TACR1: variants seen among roughly 807,000 people sequenced by gnomAD.
The protein encoded by TACR1 is substance-P receptor.
Under a neutral mutation model 35.8 loss-of-function variants are expected in TACR1, and 25 were observed. The ratio of observed to expected loss-of-function variants is 0.70; its 90% CI spans 0.51 to 0.98. TACR1 has a LOEUF of 0.98. Ranked by LOEUF, TACR1 falls within the 50% of genes least tolerant of loss-of-function variation. The pLI is 0.00. For missense variants in TACR1, 478 were observed against 522.9 expected (o/e 0.91, Z 0.84); for synonymous variants, 195 against 206.7 (o/e 0.94, Z 0.48).
At chr2:75,184,525 G>T (rs1388394412) in intron 1 of TACR1, among the ~76,000 whole-genome samples, 3 of 151,462 alleles carry the variant, frequency 2.0e-5, no homozygotes, top group African/African-American at 7.3e-5. Flanking sequence ...AGGAAAACCT[G>T]AGAAAAAAAA....
At chr2:75,154,846 C>T (rs1674806552) in intron 1 of TACR1, among the ~76,000 whole-genome samples, 1 of 152,140 alleles carries the variant, frequency 6.6e-6, no homozygotes, top group Non-Finnish European at 1.5e-5. Context: ...ACTCCCTTAT[C>T]CCTCCTTTCG....
chr2:75,109,260 A>C (rs1673706431), intron 2 of TACR1, among the ~76,000 whole-genome samples: 1 of 152,098 alleles, frequency 6.6e-6, no homozygotes, highest in Admixed American at 6.5e-5. Flanking sequence ...ATTTGGAGAC[A>C]TGAACCGTAA....
intron 1 of TACR1, among the ~76,000 whole-genome samples, chr2:75,179,378 G>T (rs754629984): frequency 2.0e-5 from 3 of 152,138 alleles, no homozygotes; most frequent in Non-Finnish European, 2.9e-5. Context: ...CCACAGGAGA[G>T]CTCCTAACTG....
chr2:75,171,973 T>TG, intron 1 of TACR1, among the ~76,000 whole-genome samples: 1 of 152,252 alleles, frequency 6.6e-6, no homozygotes, highest in South Asian at 2.1e-4. Flanking sequence ...AAGGCATGAT[T>TG]GGTTTGGAAA....
At chr2:75,160,334 G>A (rs564027014) in intron 1 of TACR1, among the ~76,000 whole-genome samples, 27 of 151,964 alleles carry the variant, frequency 1.8e-4, no homozygotes, top group Non-Finnish European at 3.7e-4. Context: ...GAAAAAAACA[G>A]TTTTGAAAGA....
chr2:75,081,730 A>G (rs1673090308), intron 2 of TACR1, among the ~76,000 whole-genome samples: 1 of 152,056 alleles, frequency 6.6e-6, no homozygotes, highest in African/African-American at 2.4e-5. Context: ...ACATTAATGC[A>G]TGTTTTTCAA....
intron 1 of TACR1, among the ~76,000 whole-genome samples, chr2:75,139,294 T>G (rs1007548573): frequency 6.6e-6 from 1 of 152,190 alleles, no homozygotes; most frequent in Admixed American, 6.5e-5. Flanking sequence ...AATTCAGTCA[T>G]TTGCCTCAGG....
At chr2:75,052,605 T>A (rs1311543255) in intron 3 of TACR1, among the ~76,000 whole-genome samples, 1 of 152,132 alleles carries the variant, frequency 6.6e-6, no homozygotes, top group Non-Finnish European at 1.5e-5. Context: ...TTTTCAAAAA[T>A]CTTGTCAATT....
At chr2:75,121,360 T>C (rs926220599) in intron 1 of TACR1, among the ~76,000 whole-genome samples, 1 of 152,222 alleles carries the variant, frequency 6.6e-6, no homozygotes, top group Non-Finnish European at 1.5e-5. Flanking sequence ...TGGCTAACTA[T>C]ACATACTTCG....
intron 1 of TACR1, among the ~76,000 whole-genome samples, chr2:75,125,992 CA>C (rs1217980451): frequency 6.6e-6 from 1 of 152,088 alleles, no homozygotes; most frequent in Non-Finnish European, 1.5e-5. Flanking sequence ...ACTCATGTTA[CA>C]GGGGTTTGTT....
chr2:75,111,125 G>A (rs931954343), intron 2 of TACR1, among the ~76,000 whole-genome samples: 1 of 151,912 alleles, frequency 6.6e-6, no homozygotes. Context: ...CTTTTTCTCA[G>A]TTTGTCACGT....
rs558597963 is a variant in TACR1, at chr2:75,162,460, A to C, written c.389+36086T>G. Among the ~76,000 whole-genome samples, 14 of 152,364 alleles carry C rather than the reference A, an allele frequency of 9.2e-5. No individual in the cohort carries two copies. The East Asian group carries it at 2.3e-3, about 25-fold the overall frequency. ...GGAAGAGTGCCAGTGCCTTCATATG[A>C]AAGTTTACAATATTTAGTTCTTCTA... On this transcript the variant is annotated intron_variant, in intron 1 of 4. Transcript: ENST00000305249.
chr2:75,080,275 GA>G (rs1374301181), intron 2 of TACR1, among the ~76,000 whole-genome samples: 1 of 152,054 alleles, frequency 6.6e-6, no homozygotes, highest in Non-Finnish European at 1.5e-5. Context: ...CTCCGTCCTG[GA>G]AAAAGGTTGG....
In TACR1 at chr2:75,199,148, C is replaced by T; in HGVS notation, c.-214G>A. ...CGCCTGCCCGCGGTGGCTCTGAATT[C>T]CTCCACTTTCAAGCTTCAGGAGACG... On this transcript the variant is annotated 5_prime_UTR_variant, in exon 1 of 5. Transcript: ENST00000305249. 1 of 567,588 alleles carries T rather than the reference C, an allele frequency of 1.8e-6. No homozygotes were observed. The highest frequency in any genetic ancestry group is 3.1e-6 in the Non-Finnish European group (1 of 324,706). The allele number at this position is 567,588 out of a possible 1,614,324, so 35.2% of individuals were successfully genotyped here. A position where few individuals can be genotyped will look rare whatever the true frequency, so the allele number is the denominator to read the frequency against.
intron 1 of TACR1, among the ~76,000 whole-genome samples, chr2:75,143,791 C>A (rs1287223833): frequency 6.6e-6 from 1 of 152,214 alleles, no homozygotes; most frequent in Non-Finnish European, 1.5e-5. Flanking sequence ...TGGACGCTTA[C>A]TCACAGCATT....
chr2:75,140,852 G>A (rs944658537), intron 1 of TACR1, among the ~76,000 whole-genome samples: 2 of 152,268 alleles, frequency 1.3e-5, no homozygotes, highest in South Asian at 4.1e-4. Context: ...CCAATGGTCT[G>A]AATAAATCTG....
chr2:75,192,860 T>G (rs543430780), intron 1 of TACR1, among the ~76,000 whole-genome samples: 2 of 152,312 alleles, frequency 1.3e-5, no homozygotes, highest in South Asian at 4.1e-4. Flanking sequence ...CATTATCAAT[T>G]TTATTAACAT....
chr2:75,061,675 T>C (rs1020101496), intron 2 of TACR1, among the ~76,000 whole-genome samples: 2 of 152,152 alleles, frequency 1.3e-5, no homozygotes, highest in African/African-American at 4.8e-5. Flanking sequence ...AGTCGCCCTG[T>C]ATCGTGATGG....
Position 75,199,011 on chromosome 2 carries a change from G to A in TACR1, c.-77C>T. ...GCAGAGTCCTGTGGCTGGCGCCTGG[G>A]GCTCAGGGTCCTTCTAAAGCCAGAC... is the stretch of plus-strand genomic sequence containing the variant. On this transcript the variant is annotated 5_prime_UTR_variant, in exon 1 of 5. Coordinates refer to ENST00000305249, the MANE Select transcript of TACR1 (RefSeq NM_001058.4). 6.5e-7 allele frequency: 1 copy of A among 1,537,278 alleles called. No homozygotes were observed. The highest frequency in any genetic ancestry group is 8.8e-7 in the Non-Finnish European group (1 of 1,139,236).
Sources: gnomAD v4.1 joint callset for allele counts (sites outside exome capture counted in the v4.1 genomes callset) on GRCh38, gnomAD v4.1.1 for gene constraint, MANE v1.5 for transcripts, NCBI Gene and HGNC (gene_info 2026-07-23, HGNC 2026-07-21) for gene names.